TBC1D2: variants seen among roughly 807,000 people sequenced by gnomAD.
The protein encoded by TBC1D2 is TBC1 domain family member 2, also known as TBC1 domain family member 2A.
In TBC1D2, 58 loss-of-function variants were observed where a neutral mutation model predicts 91.1. The observed-to-expected ratio is 0.64, with a 90% CI of 0.52 to 0.79. The LOEUF (loss-of-function observed/expected upper bound fraction) is 0.79, where lower values mean the gene tolerates loss of function less well. TBC1D2 is among the 30% of genes least tolerant of loss of function. The pLI is 0.00. For missense variants in TBC1D2, 1,080 were observed against 1,208.3 expected, an observed-to-expected ratio of 0.89 and a Z score of 1.57; for synonymous variants, 482 against 511.5, an observed-to-expected ratio of 0.94 and a Z score of 0.78.
intron 3 of TBC1D2, among the ~76,000 whole-genome samples, chr9:98,241,128 C>T (rs1031374180): frequency 6.6e-6 from 1 of 152,172 alleles, no homozygotes; most frequent in Admixed American, 6.5e-5. Context: ...CTCACTTAAT[C>T]CTCCCAAGAC....
chr9:98,243,927 G>A, intron 3 of TBC1D2, 67 bp downstream of exon 3: 1 of 1,556,358 alleles, frequency 6.4e-7, no homozygotes, highest in East Asian at 2.4e-5. Context: ...GAGAATCACA[G>A]TGGGTCAAGC....
intron 6 of TBC1D2, among the ~76,000 whole-genome samples, chr9:98,214,304 G>A (rs991484637): frequency 2.9e-5 from 2 of 68,806 alleles, no homozygotes; most frequent in Non-Finnish European, 5.4e-5. Context: ...ATGTGCAAGC[G>A]ATGCTGCAGC....
chr9:98,217,308 C>T (rs10116612), intron 6 of TBC1D2, among the ~76,000 whole-genome samples: 4 of 152,208 alleles, frequency 2.6e-5, no homozygotes, highest in African/African-American at 4.8e-5. Flanking sequence ...AGCAGGAGCC[C>T]GGGAATTCTC....
chr9:98,246,711 G>A (rs1051406102), intron 2 of TBC1D2, among the ~76,000 whole-genome samples: 1 of 152,182 alleles, frequency 6.6e-6, no homozygotes, highest in Admixed American at 6.5e-5. Flanking sequence ...GGGCACTGCA[G>A]CTGGGCCTTA....
chr9:98,212,241 T>A (rs889829777), intron 7 of TBC1D2, among the ~76,000 whole-genome samples: 2 of 152,210 alleles, frequency 1.3e-5, no homozygotes, highest in African/African-American at 2.4e-5. Flanking sequence ...CTCAGAATCC[T>A]TCAGCTCCCC....
At chr9:98,234,684 T>A (rs910129495) in intron 3 of TBC1D2, 6 of 152,252 alleles carry the variant, frequency 3.9e-5, no homozygotes, top group African/African-American at 1.4e-4. Flanking sequence ...GACCCTCCCA[T>A]CCATCCTGTC....
At chr9:98,252,100 C>G (rs902544797) in intron 1 of TBC1D2, among the ~76,000 whole-genome samples, 174 bp from the exon 2 acceptor site, 2 of 152,156 alleles carry the variant, frequency 1.3e-5, no homozygotes, top group Non-Finnish European at 2.9e-5. Flanking sequence ...AGGCTCTGGT[C>G]TCCCACTCAG....
At chr9:98,242,143 T>G (rs941076214) in intron 3 of TBC1D2, among the ~76,000 whole-genome samples, 16 of 152,104 alleles carry the variant, frequency 1.1e-4, no homozygotes, top group Non-Finnish European at 1.9e-4. Flanking sequence ...GAAGTCCACA[T>G]GGAACACAAA....
chr9:98,255,232 C>A lies in TBC1D2; in HGVS notation c.310G>T (p.Ala104Ser), dbSNP rs756581790. 1 of 1,613,934 alleles carries A rather than the reference C, an allele frequency of 6.2e-7. No individual in the cohort carries two copies. Among genetic ancestry groups the A allele is most frequent in the Admixed American group, 1.7e-5 (1 of 60,002 alleles). The change falls in exon 1 of 13, where the codon GCG becomes TCG. Residue 104 changes from alanine (A) to serine (S), a missense_variant. By Grantham distance (99) the Ala-to-Ser change is moderately conservative. Coordinates refer to ENST00000465784, the MANE Select transcript of TBC1D2 (RefSeq NM_001267571.2). Reference sequence around the variant, plus strand: ...TCGAAGATCCCCTCCTCAGCGTCCGCCTTACAGTCAAACACTGCACTGGAG... The same window carrying A: ...TCGAAGATCCCCTCCTCAGCGTCCGACTTACAGTCAAACACTGCACTGGAG... ...DLSSAVFDCK[A>S]DAEEGIFEIK...
rs1019456516 is a variant in TBC1D2 at position 98,199,721 on chromosome 9, A to T, written c.2580-133T>A. 3 of 870,806 alleles carry T rather than the reference A, an allele frequency of 3.4e-6. No individual in the cohort carries two copies. In the African/African-American group the frequency reaches 5.0e-5, roughly 14 times the overall value. 53.9% of individuals were successfully genotyped at this position (870,806 alleles called of 1,614,324 possible). A position where few individuals can be genotyped will look rare whatever the true frequency, so the allele number is the denominator to read the frequency against. On this transcript the variant is annotated intron_variant, in intron 12 of 12. Transcript: ENST00000465784. ...CCCTGACCCCTGCCCTCAGGAGGAA[A>T]CAATGAATAAGATGATTTCCACCCA...
At position 98,200,333 on chromosome 9, in the gene TBC1D2, C is replaced by T; in HGVS notation, c.2499G>A (p.Glu833=). The change falls in exon 12 of 13, where the codon GAG becomes GAA. Residue 833 remains glutamate, a synonymous_variant. Transcript: ENST00000465784. ...CATTCTGTAGCCTCAAGATCTCCTTCTCGTTGTACTTGAAAATGGCCAAGG... is the reference window on the plus strand; with the variant it reads ...CATTCTGTAGCCTCAAGATCTCCTTTTCGTTGTACTTGAAAATGGCCAAGG... ...RYALAIFKYN[E]KEILRLQNGL... 1.2e-6 allele frequency: 2 copies of T among 1,612,834 alleles called. No individual in the cohort carries two copies. Among genetic ancestry groups the T allele is most frequent in the Non-Finnish European group, 1.7e-6 (2 of 1,179,808 alleles).
intron 12 of TBC1D2, 101 bp from the exon 13 acceptor site, chr9:98,199,689 G>T: frequency 7.8e-7 from 1 of 1,287,476 alleles, no homozygotes; most frequent in Non-Finnish European, 1.1e-6. Flanking sequence ...CTGCCTTTGT[G>T]GCTGAGCCCT....
At chr9:98,221,778 G>T (rs538751944) in intron 5 of TBC1D2, among the ~76,000 whole-genome samples, 2 of 152,226 alleles carry the variant, frequency 1.3e-5, no homozygotes, top group Admixed American at 1.3e-4. Flanking sequence ...ACCCAGCCTG[G>T]AGTGCAGTGG....
intron 1 of TBC1D2, among the ~76,000 whole-genome samples, chr9:98,253,880 G>A (rs191371118): frequency 5.9e-5 from 9 of 152,222 alleles, no homozygotes; most frequent in African/African-American, 9.6e-5. Context: ...ACCAGGGGTG[G>A]GGGTGCATTA....
In TBC1D2 at chr9:98,199,298, G is replaced by T; in HGVS notation, c.*83C>A. On this transcript the variant is annotated 3_prime_UTR_variant, in exon 13 of 13. Transcript: ENST00000465784. ...GTCACATGGTGATGGGACACCCAGG[G>T]CTGGGCCACTGGTCCGTGCCTGACC... 3 of 1,490,946 alleles carry T rather than the reference G, an allele frequency of 2.0e-6. No homozygotes were observed. The highest frequency in any genetic ancestry group is 2.8e-6 in the Non-Finnish European group (3 of 1,079,644). 92.4% of individuals were successfully genotyped at this position (1,490,946 alleles called of 1,614,324 possible).
intron 2 of TBC1D2, among the ~76,000 whole-genome samples, chr9:98,249,021 G>A (rs1252224772): frequency 1.3e-5 from 2 of 152,176 alleles, no homozygotes; most frequent in Admixed American, 1.3e-4. Context: ...GGTTTTCAAC[G>A]ACATGGGAGC....
chr9:98,233,607 G>A, intron 3 of TBC1D2, 58 bp from the exon 4 acceptor site: 1 of 1,589,106 alleles, frequency 6.3e-7, no homozygotes, highest in Non-Finnish European at 8.6e-7. Flanking sequence ...CTGCCCTTCT[G>A]TCCTTCCCGC....
intron 4 of TBC1D2, among the ~76,000 whole-genome samples, chr9:98,232,342 G>GTTTTTTTTTTGTTTTTTT (rs1829391028): frequency 1.2e-5 from 1 of 86,774 alleles, no homozygotes; most frequent in African/African-American, 4.6e-5. Context: ...CTCTTTTTCT[G>GTTTTTTTTTTGTTTTTTT]TTTTTTTTTT....
chr9:98,202,697 A>G (rs1445466805), intron 10 of TBC1D2, among the ~76,000 whole-genome samples: 1 of 152,248 alleles, frequency 6.6e-6, no homozygotes, highest in Non-Finnish European at 1.5e-5. Flanking sequence ...TAATGGACAC[A>G]TGGAGGTTCA....
Sources: gnomAD v4.1 joint callset for allele counts (sites outside exome capture counted in the v4.1 genomes callset) on GRCh38, gnomAD v4.1.1 for gene constraint, MANE v1.5 for transcripts, NCBI Gene and HGNC (gene_info 2026-07-23, HGNC 2026-07-21) for gene names.